The following SCTR variants were observed in gnomAD, a reference collection of about 807,000 sequenced individuals.
SCTR encodes secretin receptor.
In SCTR, 56 loss-of-function variants were observed where a neutral mutation model predicts 60.8. The observed-to-expected ratio is 0.92, with a 90% confidence interval of 0.74 to 1.15. The LOEUF is 1.15. SCTR is among the 50% of genes most tolerant of loss of function. The pLI, the probability that SCTR is intolerant of heterozygous loss-of-function variation, is 0.00. For synonymous variants in SCTR, 202 were observed against 217.0 expected, an observed-to-expected ratio of 0.93 and a Z score of 0.61; for missense variants, 562 against 550.4, an observed-to-expected ratio of 1.02 and a Z score of -0.21.
intron 1 of SCTR, among the ~76,000 whole-genome samples, chr2:119,503,190 A>G (rs1678613502): frequency 6.6e-6 from 1 of 151,510 alleles, no homozygotes; most frequent in Non-Finnish European, 1.5e-5. Context: ...GAAAAGAAAA[A>G]GGAAAAAAGA....
intron 4 of SCTR, among the ~76,000 whole-genome samples, chr2:119,472,230 G>A (rs1677052809): frequency 6.6e-6 from 1 of 152,316 alleles, no homozygotes; most frequent in African/African-American, 2.4e-5. Flanking sequence ...ATAGTTGGAG[G>A]CCAACACCAG....
chr2:119,494,014 G>A (rs1474788983), intron 2 of SCTR, among the ~76,000 whole-genome samples: 1 of 152,174 alleles, frequency 6.6e-6, no homozygotes, highest in Non-Finnish European at 1.5e-5. Context: ...CAGCCGGTGA[G>A]TGTCACCTAG....
intron 11 of SCTR, among the ~76,000 whole-genome samples, chr2:119,442,732 T>G (rs901292246): frequency 4.6e-5 from 7 of 152,146 alleles, no homozygotes; most frequent in Non-Finnish European, 1.0e-4. Flanking sequence ...TAGAATCACC[T>G]GGGACCTTTT....
rs1322449102 is a variant in SCTR, at chr2:119,507,531, G to A, written c.73-12983C>T. ...GGCTGTCACTAGTAAGGTAGGCTGG[G>A]GACTCAGCAGCAGTTATTAGTTTAA... On this transcript the variant is annotated intron_variant, in intron 1 of 12. Coordinates refer to ENST00000019103, the MANE Select transcript of SCTR (RefSeq NM_002980.3). Among the ~76,000 whole-genome samples, 4 of 152,050 alleles carry A rather than the reference G, an allele frequency of 2.6e-5. No homozygotes were observed. In the East Asian group the frequency reaches 5.8e-4, roughly 22 times the overall value.
rs1183160041 is a variant in SCTR at position 119,478,843 on chromosome 2, G to T, written c.269C>A (p.Pro90Gln). 1 of 1,613,974 alleles carries T rather than the reference G, an allele frequency of 6.2e-7. No individual in the cohort carries two copies. Among genetic ancestry groups the T allele is most frequent in the African/African-American group, 1.3e-5 (1 of 74,920 alleles). ...VPGRMVEVEC[P>Q]RFLRMLTSRN... is the part of the protein sequence containing the mutation. ...GCTGGTGAGCATCCGGAGGAATCTC[G>T]GGCATTCCACCTCCACCATCCGGCC... Residue 90 changes from proline to glutamine, a missense_variant, in exon 3 of 13, where the codon CCG becomes CAG. Physicochemically the swap from Pro to Gln is moderately conservative, Grantham distance 76. Coordinates refer to ENST00000019103, the MANE Select transcript of SCTR (RefSeq NM_002980.3).
At position 119,465,759 on chromosome 2, in the gene SCTR, G is replaced by C. The variant is rs749521816; in HGVS notation, c.503+30C>G. On this transcript the variant is annotated intron_variant, in intron 5 of 12. Transcript: ENST00000019103. The stretch of plus-strand genomic sequence containing the variant: ...CAAAGTCTGTACCTGAGGAGGGCTG[G>C]GGTATGGAGAGCTGGCAGTGTGTTC... 8.3e-6 allele frequency: 12 copies of C among 1,453,324 alleles called. No homozygotes were observed. The East Asian group carries it at 2.3e-4, about 27-fold the overall frequency. The allele number at this position is 1,453,324 out of a possible 1,614,324, so 90.0% of individuals were successfully genotyped here. A position where few individuals can be genotyped will look rare whatever the true frequency, so the allele number is the denominator to read the frequency against.
intron 7 of SCTR, 116 bp from the exon 8 acceptor site, chr2:119,453,463 G>A: frequency 1.3e-6 from 1 of 783,960 alleles, no homozygotes; most frequent in East Asian, 2.6e-5. Context: ...GCCAAGATTT[G>A]GTTTCCACAG....
intron 1 of SCTR, among the ~76,000 whole-genome samples, chr2:119,512,334 CCCTTCCCCTTCTCCTTCTCCTTCT>C (rs1377841402): frequency 0.028 from 2,262 of 80,206 alleles, 92 homozygotes; most frequent in African/African-American, 0.1. Flanking sequence ...CTTCCCCTTC[CCCTTCCCCTTCTCCTTCTCCTTCT>C]CCTTCTCCTT....
intron 3 of SCTR, among the ~76,000 whole-genome samples, chr2:119,475,740 A>G (rs1677252819): frequency 6.7e-6 from 1 of 148,684 alleles, no homozygotes; most frequent in African/African-American, 2.4e-5. Context: ...ATATAGATAT[A>G]TAGATATATA....
At chr2:119,454,131 G>A (rs1683280538) in intron 7 of SCTR, among the ~76,000 whole-genome samples, 1 of 152,188 alleles carries the variant, frequency 6.6e-6, no homozygotes. Flanking sequence ...GGCAGCTGAT[G>A]TCCCGAGCAG....
chr2:119,481,884 C>T (rs573528505), intron 2 of SCTR, among the ~76,000 whole-genome samples: 1 of 152,360 alleles, frequency 6.6e-6, no homozygotes, highest in Admixed American at 6.5e-5. Flanking sequence ...CTTCTACATT[C>T]TGCATCCAGG....
intron 2 of SCTR, among the ~76,000 whole-genome samples, chr2:119,481,731 C>G (rs2104859273): frequency 6.6e-6 from 1 of 152,356 alleles, no homozygotes; most frequent in South Asian, 2.1e-4. Context: ...GCCCCTGTGC[C>G]TACGATGGGC....
At chr2:119,492,836 T>A (rs1348033682) in intron 2 of SCTR, among the ~76,000 whole-genome samples, 1 of 442 alleles carries the variant, frequency 2.3e-3, no homozygotes, top group Non-Finnish European at 3.9e-3. Context: ...TTTTTAATAT[T>A]TATTTATTTA....
chr2:119,502,109 A>C (rs902255574), intron 1 of SCTR, among the ~76,000 whole-genome samples: 2 of 152,104 alleles, frequency 1.3e-5, no homozygotes, highest in African/African-American at 4.8e-5. Context: ...TACAAAAATT[A>C]GTTGGGTGTG....
At chr2:119,474,268 G>T (rs915820987) in intron 3 of SCTR, among the ~76,000 whole-genome samples, 2 of 152,198 alleles carry the variant, frequency 1.3e-5, no homozygotes, top group African/African-American at 4.8e-5. Flanking sequence ...GGGCTGGCTG[G>T]CTGGACAGAA....
chr2:119,520,433 A>G (rs1679253399), intron 1 of SCTR, among the ~76,000 whole-genome samples: 1 of 152,212 alleles, frequency 6.6e-6, no homozygotes, highest in Non-Finnish European at 1.5e-5. Flanking sequence ...AGGAAGTTCA[A>G]GGCTGCAGTG....
At chr2:119,464,842 G>A (rs551253222) in intron 5 of SCTR, among the ~76,000 whole-genome samples, 2 of 152,218 alleles carry the variant, frequency 1.3e-5, no homozygotes, top group Non-Finnish European at 2.9e-5. Context: ...ACGGCAACCA[G>A]AACGGGAGAG....
In SCTR at chr2:119,484,196, G is replaced by A. The variant is rs140389438; in HGVS notation, c.194-5278C>T. ...CACACTTACTGAGCCACGAGGGAGG[G>A]GTCACCGCCCCAGGAGAGCCAGGGC... On this transcript the variant is annotated intron_variant, in intron 2 of 12. Coordinates refer to ENST00000019103, the MANE Select transcript of SCTR (RefSeq NM_002980.3). Among the ~76,000 whole-genome samples the A allele has an allele frequency of 2.0e-5, 3 of 152,224 alleles. No individual in the cohort carries two copies. The East Asian group carries it at 5.8e-4, about 29-fold the overall frequency.
chr2:119,440,075 C>T lies in SCTR; in HGVS notation c.*42G>A. 1.3e-6 allele frequency: 2 copies of T among 1,587,264 alleles called. No individual in the cohort carries two copies. Among genetic ancestry groups the T allele is most frequent in the Non-Finnish European group, 1.7e-6 (2 of 1,162,058 alleles). The stretch of plus-strand genomic sequence containing the variant: ...ACAGCAGTGCCCAGCCTTCGCAGGA[C>T]CTCTCTTGGTCTCTGTCCGTGGGTG... On this transcript the variant is annotated 3_prime_UTR_variant, in exon 13 of 13. Transcript: ENST00000019103.
Sources: allele counts gnomAD v4.1 joint callset (sites outside exome capture counted in the v4.1 genomes callset), GRCh38; gene constraint gnomAD v4.1.1; transcripts MANE v1.5; gene names NCBI Gene and HGNC (gene_info 2026-07-23, HGNC 2026-07-21).